LSM12: variants seen among roughly 807,000 people sequenced by gnomAD.
LSM12 encodes protein LSM12.
For missense variants in LSM12, 108 were observed against 238.9 expected (o/e 0.45, Z 3.61); for synonymous variants, 74 against 87.3 (o/e 0.85, Z 0.85).
intron 2 of LSM12, among the ~76,000 whole-genome samples, chr17:44,045,030 C>G (rs1174764477): frequency 6.6e-6 from 1 of 152,032 alleles, no homozygotes; most frequent in Non-Finnish European, 1.5e-5. Flanking sequence ...TTTTTAAAAT[C>G]TATTTCTTTT....
At chr17:44,059,160 C>T (rs1448745589) in intron 2 of LSM12, among the ~76,000 whole-genome samples, 1 of 152,032 alleles carries the variant, frequency 6.6e-6, no homozygotes, top group East Asian at 1.9e-4. Context: ...CAGAATGAGA[C>T]TATATCTCTA....
chr17:44,034,744 TA>T lies in LSM12; in HGVS notation c.*1463del, dbSNP rs545850391. The T allele has an allele frequency of 0.023, 2,784 of 120,904 alleles. 46 individuals carry two copies. Among genetic ancestry groups the T allele is most frequent in the Non-Finnish European group, 0.036 (2,066 of 57,296 alleles). 7.5% of individuals were successfully genotyped at this position (120,904 alleles called of 1,614,324 possible). A position where few individuals can be genotyped will look rare whatever the true frequency, so the allele number is the denominator to read the frequency against. On this transcript the variant is annotated 3_prime_UTR_variant, in exon 5 of 5. Transcript: ENST00000293406. Reference sequence around the variant, plus strand: ...ATTTAATTTGATCCATTTATTTAATTAAAAAAAAAAGGAAGGGGAAAGAGAT... The same window carrying T: ...ATTTAATTTGATCCATTTATTTAATTAAAAAAAAAGGAAGGGGAAAGAGAT...
intron 2 of LSM12, among the ~76,000 whole-genome samples, chr17:44,056,447 A>C (rs1395334604): frequency 1.3e-5 from 2 of 151,968 alleles, no homozygotes; most frequent in Non-Finnish European, 2.9e-5. Context: ...CTACTCCCCA[A>C]CTGACAAAAA....
intron 2 of LSM12, among the ~76,000 whole-genome samples, chr17:44,063,395 C>CCGAGA (rs1236865226): frequency 8.5e-5 from 13 of 152,120 alleles, no homozygotes; most frequent in Admixed American, 6.6e-5. Context: ...ATGAAACCCT[C>CCGAGA]CGAGAATCTG....
At chr17:44,036,340 C>T (rs763225507) in intron 4 of LSM12, 40 bp from the exon 5 acceptor site, 90 of 1,612,150 alleles carry the variant, frequency 5.6e-5, no homozygotes, top group African/African-American at 8.0e-5. Flanking sequence ...AAAGGAGATG[C>T]GGAAGAAAGG....
chr17:44,056,450 G>A (rs1003979775), intron 2 of LSM12, among the ~76,000 whole-genome samples: 13 of 151,944 alleles, frequency 8.6e-5, no homozygotes, highest in African/African-American at 2.2e-4. Flanking sequence ...CTCCCCAACT[G>A]ACAAAAAATT....
chr17:44,034,577 C>G lies in LSM12; in HGVS notation c.*1631G>C, dbSNP rs2049395899. On this transcript the variant is annotated 3_prime_UTR_variant, in exon 5 of 5. Coordinates refer to ENST00000293406, the MANE Select transcript of LSM12 (RefSeq NM_001371445.1). ...AAAGAGAAAGGTCAAATCAGACAGACATACCTTGGATCCTCTCCCCTGGGG... is the reference window on the plus strand; with the variant it reads ...AAAGAGAAAGGTCAAATCAGACAGAGATACCTTGGATCCTCTCCCCTGGGG... 6.6e-6 allele frequency: 1 copy of G among 152,518 alleles called. No homozygotes were observed. 9.4% of individuals were successfully genotyped at this position (152,518 alleles called of 1,614,324 possible).
At chr17:44,051,178 G>A (rs192010319) in intron 2 of LSM12, among the ~76,000 whole-genome samples, 17 of 152,080 alleles carry the variant, frequency 1.1e-4, no homozygotes, top group East Asian at 7.7e-4. Context: ...AGGCAGAGGA[G>A]GGCAGATCAC....
At chr17:44,062,413 G>A (rs1567963169) in intron 2 of LSM12, among the ~76,000 whole-genome samples, 1 of 152,110 alleles carries the variant, frequency 6.6e-6, no homozygotes, top group Non-Finnish European at 1.5e-5. Flanking sequence ...CTTCAGCCTG[G>A]GTGATCAGAG....
chr17:44,061,334 A>C lies in LSM12; in HGVS notation c.258+2467T>G, dbSNP rs944241717. Among the ~76,000 whole-genome samples, 5 of 151,786 alleles carry C rather than the reference A, an allele frequency of 3.3e-5. No individual in the cohort carries two copies. The East Asian group carries it at 5.8e-4, about 18-fold the overall frequency. On this transcript the variant is annotated intron_variant, in intron 2 of 4. Transcript: ENST00000293406. The stretch of plus-strand genomic sequence containing the variant: ...CTCCATCTCAAAAAAAAAAAAAAAA[A>C]ACACCAAGGAATAAATTATTTAACA...
chr17:44,065,231 G>T (rs1047138113), intron 1 of LSM12, among the ~76,000 whole-genome samples: 1 of 151,700 alleles, frequency 6.6e-6, no homozygotes, highest in Non-Finnish European at 1.5e-5. Flanking sequence ...TCAGAAGTTC[G>T]AGACCATCCT....
chr17:44,061,331 A>G (rs2049793132), intron 2 of LSM12, among the ~76,000 whole-genome samples: 1 of 152,092 alleles, frequency 6.6e-6, no homozygotes, highest in Non-Finnish European at 1.5e-5. Flanking sequence ...AAAAAAAAAA[A>G]AAAACACCAA....
chr17:44,041,219 C>T (rs1184516035), intron 2 of LSM12, among the ~76,000 whole-genome samples: 1 of 148,142 alleles, frequency 6.8e-6, no homozygotes, highest in Non-Finnish European at 1.5e-5. Context: ...TGCAGTGTGC[C>T]GAGATCATGC....
upstream of LSM12, chr17:44,066,789 A>T: frequency 1.8e-6 from 1 of 565,464 alleles, no homozygotes; most frequent in Non-Finnish European, 2.5e-6. Context: ...GTATTTGTAT[A>T]GCTGCGTCCG....
intron 2 of LSM12, among the ~76,000 whole-genome samples, chr17:44,044,730 G>T (rs1417256682): frequency 6.6e-6 from 1 of 152,150 alleles, no homozygotes; most frequent in African/African-American, 2.4e-5. Flanking sequence ...TGAGGGTGGG[G>T]AGAAGGAGAT....
intron 2 of LSM12, among the ~76,000 whole-genome samples, chr17:44,057,594 T>C (rs1467202677): frequency 6.6e-6 from 1 of 150,658 alleles, no homozygotes; most frequent in South Asian, 2.1e-4. Flanking sequence ...ACCCTGTCTC[T>C]ACCAAAAATA....
intron 2 of LSM12, among the ~76,000 whole-genome samples, chr17:44,045,666 G>A (rs985113510): frequency 1.3e-5 from 2 of 152,090 alleles, no homozygotes; most frequent in African/African-American, 4.8e-5. Context: ...CACCCACTGG[G>A]CTCAAGCAAT....
intron 2 of LSM12, 78 bp downstream of exon 2, chr17:44,063,720 GACA>G (rs2049830254): frequency 1.5e-6 from 2 of 1,375,540 alleles, no homozygotes; most frequent in South Asian, 4.0e-5. Flanking sequence ...ATAAAAAATA[GACA>G]ACAATGTATC....
chr17:44,052,233 C>T (rs1457584993), intron 2 of LSM12, among the ~76,000 whole-genome samples: 1 of 150,210 alleles, frequency 6.7e-6, no homozygotes, highest in Non-Finnish European at 1.5e-5. Context: ...AAGTCCCTAT[C>T]TCTAAATTAA....
Sources: gnomAD v4.1 joint callset for allele counts (sites outside exome capture counted in the v4.1 genomes callset) on GRCh38, gnomAD v4.1.1 for gene constraint, MANE v1.5 for transcripts, NCBI Gene and HGNC (gene_info 2026-07-23, HGNC 2026-07-21) for gene names.